The following XRN2 variants were observed in gnomAD, a reference collection of about 807,000 sequenced individuals.
XRN2 encodes DHM1-like protein.
XRN2 carries 44 observed loss-of-function variants against 138.5 expected under a neutral mutation model. That is an observed-to-expected ratio of 0.32 (90% CI 0.25 to 0.41). The LOEUF is 0.41. Among genes scored for constraint, XRN2 ranks in the 10% least tolerant of loss-of-function variants. The pLI is 1.00. For missense variants in XRN2, 937 were observed against 1,169.3 expected (o/e 0.80, Z 2.90); for synonymous variants, 354 against 369.4 (o/e 0.96, Z 0.48).
chr20:21,380,761 C>G (rs1010473777), intron 27 of XRN2, among the ~76,000 whole-genome samples: 1 of 152,218 alleles, frequency 6.6e-6, no homozygotes, highest in Non-Finnish European at 1.5e-5. Context: ...GTTTGGCACC[C>G]ATGGGTATGG....
chr20:21,334,235 C>T (rs2038255592), intron 13 of XRN2, 50 bp downstream of exon 13: 1 of 1,421,154 alleles, frequency 7.0e-7, no homozygotes, highest in Non-Finnish European at 9.9e-7. Context: ...CTCTAATAGG[C>T]TATGATGATC....
chr20:21,360,569 C>CT (rs1193571852), intron 24 of XRN2, among the ~76,000 whole-genome samples: 2 of 151,220 alleles, frequency 1.3e-5, no homozygotes, highest in African/African-American at 4.9e-5. Flanking sequence ...AGAGCGTAAA[C>CT]TTTTTTCTTC....
intron 27 of XRN2, among the ~76,000 whole-genome samples, chr20:21,372,633 A>T (rs1396451752): frequency 1.3e-5 from 2 of 152,200 alleles, no homozygotes; most frequent in Non-Finnish European, 2.9e-5. Flanking sequence ...AGTTTTGAAA[A>T]TTAGATTATT....
chr20:21,303,349 T>G lies in XRN2; in HGVS notation c.-50T>G, dbSNP rs1218451407. ...GCCCTCTGCCGCTGCTCCCGTCTCTTTGGTTACGCTCGTCAGCCGGTCGGC... is the reference window on the plus strand; with the variant it reads ...GCCCTCTGCCGCTGCTCCCGTCTCTGTGGTTACGCTCGTCAGCCGGTCGGC... On this transcript the variant is annotated 5_prime_UTR_variant, in exon 1 of 30. Coordinates refer to ENST00000377191, the MANE Select transcript of XRN2 (RefSeq NM_012255.5). 1 of 1,536,914 alleles carries G rather than the reference T, an allele frequency of 6.5e-7. No individual in the cohort carries two copies. The highest frequency in any genetic ancestry group is 8.8e-7 in the Non-Finnish European group (1 of 1,140,936).
chr20:21,334,760 G>T (rs1034701664), intron 13 of XRN2, among the ~76,000 whole-genome samples: 1 of 152,204 alleles, frequency 6.6e-6, no homozygotes, highest in African/African-American at 2.4e-5. Context: ...ATTTGCTGGT[G>T]CCATTTACTA....
intron 1 of XRN2, among the ~76,000 whole-genome samples, chr20:21,318,154 G>T (rs955799752): frequency 3.3e-5 from 5 of 152,128 alleles, no homozygotes; most frequent in Non-Finnish European, 5.9e-5. Context: ...TTGGTAGTTT[G>T]TGTCTTTCTA....
intron 24 of XRN2, 67 bp from the exon 25 acceptor site, chr20:21,365,354 C>T: frequency 2.7e-6 from 4 of 1,478,956 alleles, no homozygotes; most frequent in Non-Finnish European, 3.7e-6. Context: ...ATGAAAAATA[C>T]CTCAGTCTAC....
chr20:21,355,367 C>T (rs547579681), intron 21 of XRN2, among the ~76,000 whole-genome samples: 110 of 152,180 alleles, frequency 7.2e-4, no homozygotes, highest in Non-Finnish European at 1.2e-3. Flanking sequence ...TATTCATATT[C>T]GGAAATTGCA....
intron 1 of XRN2, among the ~76,000 whole-genome samples, chr20:21,319,792 G>T (rs551718914): frequency 6.6e-6 from 1 of 151,658 alleles, no homozygotes; most frequent in Non-Finnish European, 1.5e-5. Context: ...TTACTTTACC[G>T]TCTGTAGCCA....
chr20:21,362,616 G>A (rs538612791), intron 24 of XRN2, among the ~76,000 whole-genome samples: 1 of 152,180 alleles, frequency 6.6e-6, no homozygotes, highest in African/African-American at 2.4e-5. Flanking sequence ...TCACTTTCAC[G>A]TCCTCATTGA....
chr20:21,356,723 T>C (rs2038579993), intron 23 of XRN2, 58 bp downstream of exon 23: 1 of 1,428,198 alleles, frequency 7.0e-7, no homozygotes, highest in Non-Finnish European at 9.7e-7. Context: ...TTAGGATTTT[T>C]TTCCTTGTTG....
At chr20:21,332,105 G>A (rs763254329) in intron 8 of XRN2, among the ~76,000 whole-genome samples, 178 bp from the exon 9 acceptor site, 1 of 152,130 alleles carries the variant, frequency 6.6e-6, no homozygotes, top group Admixed American at 6.5e-5. Flanking sequence ...GTAGGTCCAC[G>A]TATCTAGAGG....
Position 21,356,638 on chromosome 20 carries a change from T to G in XRN2, c.2171T>G (p.Leu724Trp). 1 of 1,613,724 alleles carries G rather than the reference T, an allele frequency of 6.2e-7. No homozygotes were observed. Residue 724 changes from leucine (L) to tryptophan (W), a missense_variant, in exon 23 of 30, where the codon TTG becomes TGG. Physicochemically the swap from Leu to Trp is moderately conservative, Grantham distance 61. Coordinates refer to ENST00000377191, the MANE Select transcript of XRN2 (RefSeq NM_012255.5). ...CATGGGATTCAAGGAAAGTTTTCTT[T>G]GGATGAAGAAGCCATTCTTCCAGAT... The part of the protein sequence containing the change: ...LCHGIQGKFS[L>W]DEEAILPDQI...
chr20:21,348,764 C>T (rs918115508), intron 19 of XRN2, among the ~76,000 whole-genome samples: 6 of 152,070 alleles, frequency 3.9e-5, no homozygotes, highest in Non-Finnish European at 8.8e-5. Context: ...CTGCCTCAGC[C>T]TCCTGAGTAG....
At chr20:21,343,390 C>A (rs1221163264) in intron 15 of XRN2, among the ~76,000 whole-genome samples, 1 of 151,988 alleles carries the variant, frequency 6.6e-6, no homozygotes, top group South Asian at 2.1e-4. Context: ...TTTAAAGTGA[C>A]AGCTAAGTCT....
In XRN2 at chr20:21,348,230, G is replaced by C. The variant is rs1568584144; in HGVS notation, c.1750G>C (p.Asp584His). The change falls in exon 18 of 30, where the codon GAT (aspartate) becomes CAT (histidine). Residue 584 changes from aspartate to histidine, a missense_variant. Physicochemically the swap from Asp to His is moderately conservative, Grantham distance 81. Coordinates refer to ENST00000377191, the MANE Select transcript of XRN2 (RefSeq NM_012255.5). The part of the protein sequence containing the change: ...DFEGIADMPS[D>H]FEKGTKPFKP... ...TGAAGGCATTGCAGACATGCCATCT[G>C]ATTTTGAGAAGGGTACGAAACCGGT... is the stretch of plus-strand genomic sequence containing the variant. 1.2e-6 allele frequency: 2 copies of C among 1,614,002 alleles called. No individual in the cohort carries two copies. The highest frequency in any genetic ancestry group is 1.7e-6 in the Non-Finnish European group (2 of 1,179,970).
chr20:21,321,530 G>T (rs547425161), intron 1 of XRN2, among the ~76,000 whole-genome samples: 7 of 151,994 alleles, frequency 4.6e-5, no homozygotes, highest in African/African-American at 1.7e-4. Flanking sequence ...ATGTTCCCCA[G>T]GCTGGCCTTG....
At chr20:21,306,102 A>C (rs1347045069) in intron 1 of XRN2, among the ~76,000 whole-genome samples, 1 of 71,380 alleles carries the variant, frequency 1.4e-5, no homozygotes, top group Non-Finnish European at 3.2e-5. Context: ...TATACACGTG[A>C]ATGATCATTA....
intron 1 of XRN2, among the ~76,000 whole-genome samples, chr20:21,305,016 G>T (rs1015819988): frequency 4.6e-5 from 7 of 152,002 alleles, no homozygotes; most frequent in Admixed American, 3.9e-4. Flanking sequence ...TTTTTCCCTG[G>T]GGCTGTCTTT....
Sources: allele counts gnomAD v4.1 joint callset (sites outside exome capture counted in the v4.1 genomes callset), GRCh38; gene constraint gnomAD v4.1.1; transcripts MANE v1.5; gene names NCBI Gene and HGNC (gene_info 2026-07-23, HGNC 2026-07-21).